SMN1: variants seen among roughly 807,000 people sequenced by gnomAD.
SMN1 encodes the protein survival motor neuron protein.
For synonymous variants in SMN1, 3 were observed against 5.1 expected, an observed-to-expected ratio of 0.58 and a Z score of 0.56; for missense variants, 15 against 17.1, an observed-to-expected ratio of 0.88 and a Z score of 0.22.
chr5:70,959,377 G>A, the SMN1 span, among the ~76,000 whole-genome samples: 2 of 147,410 alleles, frequency 1.4e-5, no homozygotes, highest in Non-Finnish European at 3.0e-5. Context: ...TGCACATTGT[G>A]CACATGTACC....
chr5:70,954,977 C>T (rs1231750362), downstream of SMN1, among the ~76,000 whole-genome samples: 3 of 115,874 alleles, frequency 2.6e-5, no homozygotes, highest in East Asian at 2.7e-4. Context: ...TTTGGGAGGA[C>T]GAGACAGGCG....
At chr5:70,955,716 C>T (rs1220951756), downstream of SMN1, among the ~76,000 whole-genome samples, 48 of 148,298 alleles carry the variant, frequency 3.2e-4, no homozygotes, top group East Asian at 2.4e-3. Flanking sequence ...ACCCAGGAGG[C>T]GGAGGTTGCA....
chr5:70,952,106 G>A (rs1749782256), intron 8 of SMN1, 112 bp downstream of exon 8: 1 of 1,572,166 alleles, frequency 6.4e-7, no homozygotes, highest in East Asian at 2.3e-5. Flanking sequence ...AAGTTGAAAG[G>A]TTAATGTAAA....
At chr5:70,954,868 A>C (rs1749858321), downstream of SMN1, among the ~76,000 whole-genome samples, 1 of 3,982 alleles carries the variant, frequency 2.5e-4, no homozygotes, top group Non-Finnish European at 4.5e-4. Flanking sequence ...AAAAAAAAAA[A>C]AAAAAAAAAA....
At chr5:70,950,086 G>A (rs1191515974) in intron 7 of SMN1, among the ~76,000 whole-genome samples, 2 of 144,456 alleles carry the variant, frequency 1.4e-5, no homozygotes, top group Non-Finnish European at 3.0e-5. Flanking sequence ...AAAAAATAAG[G>A]TATAAGCGGG....
chr5:70,959,405 A>G, the SMN1 span, among the ~76,000 whole-genome samples: 1 of 144,644 alleles, frequency 6.9e-6, no homozygotes, highest in Non-Finnish European at 1.5e-5. Context: ...TTAAAGTATA[A>G]TAATAAAATA....
At chr5:70,955,074 A>G (rs997081157), downstream of SMN1, among the ~76,000 whole-genome samples, 26 of 141,804 alleles carry the variant, frequency 1.8e-4, no homozygotes, top group Non-Finnish European at 3.4e-4. Flanking sequence ...TTAGCAAGGC[A>G]TGGTGGTGCA....
At chr5:70,946,513 CTT>C (rs1233804907) in intron 7 of SMN1, among the ~76,000 whole-genome samples, 1 of 3,280 alleles carries the variant, frequency 3.0e-4, no homozygotes, top group African/African-American at 4.0e-3. Flanking sequence ...AAATGAAATT[CTT>C]TTTTTTTTTT....
At chr5:70,951,199 T>G (rs1300263167) in intron 7 of SMN1, among the ~76,000 whole-genome samples, 3 of 151,420 alleles carry the variant, frequency 2.0e-5, no homozygotes, top group African/African-American at 7.3e-5. Flanking sequence ...GCTCAAGCAG[T>G]CCTCTCACCT....
At chr5:70,950,223 G>T (rs1010248366) in intron 7 of SMN1, among the ~76,000 whole-genome samples, 8 of 148,804 alleles carry the variant, frequency 5.4e-5, no homozygotes, top group Admixed American at 4.1e-4. Context: ...TTCCAGATCA[G>T]CCTGACCAAC....
chr5:70,952,162 G>C, intron 8 of SMN1, 168 bp downstream of exon 8: 5 of 1,463,250 alleles, frequency 3.4e-6, no homozygotes, highest in Non-Finnish European at 3.6e-6. Context: ...TTAGATAAAA[G>C]GTTAATCTAC....
At chr5:70,956,697 C>A (rs1299824611), downstream of SMN1, among the ~76,000 whole-genome samples, 1 of 150,466 alleles carries the variant, frequency 6.6e-6, no homozygotes, top group African/African-American at 2.4e-5. Flanking sequence ...GTACCAGTAC[C>A]ATGCTGTTTT....
chr5:70,954,886 AAAAAAAAAAAAAAAAAC>A, downstream of SMN1, among the ~76,000 whole-genome samples: 2 of 11,902 alleles, frequency 1.7e-4, 1 homozygote, highest in Non-Finnish European at 3.4e-4. Context: ...AAAAAAAAAA[AAAAAAAAAAAAAAAAAC>A]AAAACACGTT....
downstream of SMN1, among the ~76,000 whole-genome samples, chr5:70,956,753 G>A (rs1749915353): frequency 6.7e-6 from 1 of 150,140 alleles, no homozygotes; most frequent in African/African-American, 2.4e-5. Flanking sequence ...GTAGCGTGAT[G>A]CCTCCAGCTT....
At chr5:70,958,893 A>G (rs1749961565), downstream of SMN1, among the ~76,000 whole-genome samples, 1 of 150,250 alleles carries the variant, frequency 6.7e-6, no homozygotes, top group Non-Finnish European at 1.5e-5. Context: ...TGACCCAGCC[A>G]TCCCATTACT....
the SMN1 span, among the ~76,000 whole-genome samples, chr5:70,960,759 A>G: frequency 6.2e-5 from 9 of 146,236 alleles, no homozygotes; most frequent in Admixed American, 4.8e-4. Flanking sequence ...GCAATGGCAT[A>G]ATCTCGGCTC....
chr5:70,950,931 G>A (rs1379169996), intron 7 of SMN1, among the ~76,000 whole-genome samples: 9 of 151,332 alleles, frequency 5.9e-5, no homozygotes, highest in African/African-American at 2.2e-4. Context: ...GAGCCACTGT[G>A]CCCGGCCTAG....
chr5:70,957,409 A>G (rs1398909900), downstream of SMN1, among the ~76,000 whole-genome samples: 1 of 137,132 alleles, frequency 7.3e-6, no homozygotes, highest in East Asian at 2.2e-4. Context: ...TTCAAAGGGA[A>G]TGCTTCCAGT....
downstream of SMN1, among the ~76,000 whole-genome samples, chr5:70,958,750 G>T (rs928176880): frequency 6.9e-6 from 1 of 145,962 alleles, no homozygotes; most frequent in African/African-American, 2.5e-5. Flanking sequence ...GGTCAATTTT[G>T]GAATAGGTGT....
Sources: gnomAD v4.1 joint callset for allele counts (sites outside exome capture counted in the v4.1 genomes callset) on GRCh38, gnomAD v4.1.1 for gene constraint, MANE v1.5 for transcripts, NCBI Gene and HGNC (gene_info 2026-07-23, HGNC 2026-07-21) for gene names.